LRRC7: variants seen among roughly 807,000 people sequenced by gnomAD.
LRRC7 encodes the protein leucine-rich repeat-containing protein 7.
Under a neutral mutation model 175.7 loss-of-function variants are expected in LRRC7, and 23 were observed. The ratio of observed to expected loss-of-function variants is 0.13; its 90% confidence interval spans 0.09 to 0.19. LRRC7 has a LOEUF of 0.19. Ranked by LOEUF, LRRC7 falls within the 10% of genes least tolerant of loss-of-function variation. The pLI, the probability that LRRC7 is intolerant of heterozygous loss-of-function variation, is 1.00. For missense variants in LRRC7, 1,354 were observed against 1,904.7 expected (o/e 0.71, Z 5.38); for synonymous variants, 685 against 680.9 (o/e 1.01, Z -0.09).
chr1:69,896,786 TTTG>T, intron 7 of LRRC7, among the ~76,000 whole-genome samples: 1 of 152,274 alleles, frequency 6.6e-6, no homozygotes, highest in Admixed American at 6.5e-5. Context: ...ACTTTTCAGC[TTTG>T]TTTTTATTCT....
chr1:69,881,317 C>A (rs1686578832), intron 7 of LRRC7, among the ~76,000 whole-genome samples: 1 of 152,124 alleles, frequency 6.6e-6, no homozygotes, highest in Admixed American at 6.6e-5. Context: ...TAAAATCAGT[C>A]CCTGTATCTA....
At chr1:69,954,481 T>G (rs1650287590) in intron 8 of LRRC7, among the ~76,000 whole-genome samples, 1 of 152,026 alleles carries the variant, frequency 6.6e-6, no homozygotes, top group Non-Finnish European at 1.5e-5. Flanking sequence ...TCATGGCACA[T>G]GTAGAAACAC....
intron 7 of LRRC7, among the ~76,000 whole-genome samples, chr1:69,877,622 A>G (rs1686161263): frequency 6.6e-6 from 1 of 152,178 alleles, no homozygotes; most frequent in Non-Finnish European, 1.5e-5. Flanking sequence ...CTATTATCCA[A>G]GTGCCCAAGT....
At chr1:69,698,231 G>A (rs1260966138) in intron 2 of LRRC7, among the ~76,000 whole-genome samples, 1 of 152,104 alleles carries the variant, frequency 6.6e-6, no homozygotes, top group Admixed American at 6.5e-5. Flanking sequence ...TAGAACACCC[G>A]TTCTGGATTA....
intron 1 of LRRC7, among the ~76,000 whole-genome samples, chr1:69,583,514 A>T (rs1444046207): frequency 6.6e-6 from 1 of 152,140 alleles, no homozygotes; most frequent in Admixed American, 6.6e-5. Context: ...TTTATCCAGT[A>T]AAATATTACA....
intron 23 of LRRC7, among the ~76,000 whole-genome samples, chr1:70,068,233 A>C (rs974828175): frequency 1.3e-5 from 2 of 152,154 alleles, no homozygotes; most frequent in East Asian, 3.8e-4. Flanking sequence ...TATATTAGCT[A>C]TACATTTTTG....
chr1:69,984,990 C>T (rs1653800602), intron 9 of LRRC7, among the ~76,000 whole-genome samples: 1 of 152,194 alleles, frequency 6.6e-6, no homozygotes, highest in South Asian at 2.1e-4. Flanking sequence ...CTTCGTCACA[C>T]TTTATAAAGG....
At chr1:69,892,552 T>G (rs1009394440) in intron 7 of LRRC7, among the ~76,000 whole-genome samples, 1 of 152,190 alleles carries the variant, frequency 6.6e-6, no homozygotes, top group Non-Finnish European at 1.5e-5. Context: ...TCGTATGAAT[T>G]ACGACTCAAA....
At chr1:69,986,417 T>G (rs1315275085) in intron 10 of LRRC7, 31 bp downstream of exon 10, 1 of 1,580,754 alleles carries the variant, frequency 6.3e-7, no homozygotes, top group East Asian at 2.3e-5. Flanking sequence ...CACAAATATT[T>G]ATGTCAAATA....
intron 7 of LRRC7, among the ~76,000 whole-genome samples, chr1:69,900,922 C>A (rs74539903): frequency 6.6e-6 from 1 of 152,256 alleles, no homozygotes; most frequent in East Asian, 1.9e-4. Flanking sequence ...CATTTAGCCA[C>A]TATAAATAGT....
At chr1:69,852,460 C>G (rs1475889883) in intron 7 of LRRC7, among the ~76,000 whole-genome samples, 2 of 152,062 alleles carry the variant, frequency 1.3e-5, no homozygotes, top group South Asian at 2.1e-4. Flanking sequence ...ACATCTGGCT[C>G]TTGATTATTG....
chr1:69,915,223 C>A (rs1276466943), intron 7 of LRRC7, among the ~76,000 whole-genome samples: 1 of 152,100 alleles, frequency 6.6e-6, no homozygotes, highest in Non-Finnish European at 1.5e-5. Context: ...CCAAAATAAT[C>A]ATAAATGCAA....
chr1:69,813,209 C>A (rs1260745121), intron 4 of LRRC7, among the ~76,000 whole-genome samples: 1 of 152,112 alleles, frequency 6.6e-6, no homozygotes, highest in Non-Finnish European at 1.5e-5. Context: ...TCAGATTACT[C>A]CCTTGTGGAC....
chr1:69,867,571 C>T (rs933529099), intron 7 of LRRC7, among the ~76,000 whole-genome samples: 2 of 152,000 alleles, frequency 1.3e-5, no homozygotes, highest in African/African-American at 4.8e-5. Context: ...AGTTTAAAGA[C>T]AAAAGGATGG....
chr1:69,797,201 C>T (rs187682170), intron 4 of LRRC7, among the ~76,000 whole-genome samples: 90 of 152,198 alleles, frequency 5.9e-4, no homozygotes, highest in African/African-American at 2.1e-3. Flanking sequence ...TAACCGAGTG[C>T]TGGAAAAGAT....
intron 3 of LRRC7, among the ~76,000 whole-genome samples, chr1:69,768,018 G>A (rs36115086): frequency 0.029 from 4,467 of 152,094 alleles, 69 homozygotes; most frequent in African/African-American, 0.041. Flanking sequence ...ACTACTCCAC[G>A]CCGGCCACTC....
In LRRC7 at chr1:70,044,054, C is replaced by T. The variant is rs773622605; in HGVS notation, c.4070C>T (p.Thr1357Ile). Residue 1357 changes from threonine to isoleucine, a missense_variant, in exon 22 of 27, where the codon ACT (threonine) becomes ATT (isoleucine). By Grantham distance (89) the Thr-to-Ile change is moderately conservative. Transcript: ENST00000651989. ...AGAAGCATGACTTTAAACTTGCAGA[C>T]TAAGTCTAAATTTGATCATCAAGAA... ...AGRSMTLNLQTKSKFDHQELP... is the reference protein window; with the variant it reads ...AGRSMTLNLQIKSKFDHQELP... 4.3e-6 allele frequency: 7 copies of T among 1,613,412 alleles called. No homozygotes were observed. The East Asian group carries it at 1.3e-4, about 31-fold the overall frequency.
At chr1:69,980,602 A>AT (rs71733859) in intron 9 of LRRC7, 149 bp downstream of exon 9, 35,722 of 480,580 alleles carry the variant, frequency 0.074, 333 homozygotes, top group South Asian at 0.11. Context: ...TGTTTTCACC[A>AT]TTTTTTTTTT....
intron 8 of LRRC7, among the ~76,000 whole-genome samples, chr1:69,963,433 G>A (rs1450680096): frequency 6.6e-6 from 1 of 152,216 alleles, no homozygotes; most frequent in African/African-American, 2.4e-5. Flanking sequence ...GGAGGGAACA[G>A]TGAAAGGAGA....
Sources: gnomAD v4.1 joint callset for allele counts (sites outside exome capture counted in the v4.1 genomes callset) on GRCh38, gnomAD v4.1.1 for gene constraint, MANE v1.5 for transcripts, NCBI Gene and HGNC (gene_info 2026-07-23, HGNC 2026-07-21) for gene names.